The following RFX3 variants were observed in gnomAD, a reference collection of about 807,000 sequenced individuals.
RFX3 encodes the protein regulatory factor X3.
A neutral mutation model predicts 98.6 loss-of-function variants in RFX3; 14 were observed. The observed-to-expected ratio is 0.14, with a 90% CI of 0.09 to 0.22. The LOEUF (loss-of-function observed/expected upper bound fraction) is 0.22, where lower values mean the gene tolerates loss of function less well. Ranked by LOEUF, RFX3 falls within the 10% of genes least tolerant of loss-of-function variation. The pLI is 1.00. For synonymous variants in RFX3, 383 were observed against 328.4 expected (o/e 1.17, Z -1.80); for missense variants, 639 against 926.9 (o/e 0.69, Z 4.03).
chr9:3,414,114 T>C (rs1479366615), intron 1 of RFX3, among the ~76,000 whole-genome samples: 3 of 152,126 alleles, frequency 2.0e-5, no homozygotes, highest in South Asian at 2.1e-4. Context: ...TTTATTGAAA[T>C]GGGACACTGA....
chr9:3,376,888 T>A (rs1159940231), intron 2 of RFX3, among the ~76,000 whole-genome samples: 34 of 151,356 alleles, frequency 2.2e-4, no homozygotes, highest in African/African-American at 6.1e-4. Context: ...TCAAAACCAC[T>A]ATGAGATACC....
chr9:3,462,167 A>G (rs1048077967), intron 1 of RFX3, among the ~76,000 whole-genome samples: 5 of 152,088 alleles, frequency 3.3e-5, no homozygotes, highest in African/African-American at 1.2e-4. Context: ...CCTTAGGAAG[A>G]CAAATAACAA....
At chr9:3,398,563 G>A (rs955720253) in intron 1 of RFX3, among the ~76,000 whole-genome samples, 1 of 152,128 alleles carries the variant, frequency 6.6e-6, no homozygotes, top group Non-Finnish European at 1.5e-5. Flanking sequence ...TGTCAGTTTA[G>A]TGTACAGATG....
chr9:3,240,569 T>C (rs541928652), intron 15 of RFX3, among the ~76,000 whole-genome samples: 1 of 152,266 alleles, frequency 6.6e-6, no homozygotes, highest in Admixed American at 6.5e-5. Context: ...CAAGCATCAA[T>C]CAGGTTTGAA....
intron 1 of RFX3, among the ~76,000 whole-genome samples, chr9:3,483,440 T>G (rs1021800352): frequency 6.6e-6 from 1 of 152,166 alleles, no homozygotes; most frequent in Admixed American, 6.5e-5. Flanking sequence ...ATTTGTTGAA[T>G]AAAACCAATA....
At chr9:3,420,728 C>T (rs1356829885) in intron 1 of RFX3, 5 of 930,848 alleles carry the variant, frequency 5.4e-6, no homozygotes, top group Non-Finnish European at 6.4e-6. Flanking sequence ...TCTATAAACC[C>T]CTGTATCCTT....
At chr9:3,300,990 C>CT (rs938240533) in intron 5 of RFX3, among the ~76,000 whole-genome samples, 9 of 151,922 alleles carry the variant, frequency 5.9e-5, no homozygotes, top group African/African-American at 2.2e-4. Flanking sequence ...GACAGTCTCA[C>CT]TTTTTCTTTT....
At chr9:3,245,928 T>C (rs1820598595) in intron 15 of RFX3, among the ~76,000 whole-genome samples, 1 of 152,166 alleles carries the variant, frequency 6.6e-6, no homozygotes, top group Admixed American at 6.5e-5. Flanking sequence ...AGGCTTAGGA[T>C]AATGTGAGGA....
intron 1 of RFX3, among the ~76,000 whole-genome samples, chr9:3,460,564 C>G (rs945847420): frequency 4.6e-5 from 7 of 151,944 alleles, no homozygotes; most frequent in Non-Finnish European, 1.0e-4. Flanking sequence ...ATTTTACTTT[C>G]CTTAGCTCTA....
intron 1 of RFX3, among the ~76,000 whole-genome samples, chr9:3,442,951 G>C (rs1199667051): frequency 6.6e-6 from 1 of 152,066 alleles, no homozygotes; most frequent in African/African-American, 2.4e-5. Flanking sequence ...AAGAAAAAAA[G>C]CAGGCTAGGC....
intron 5 of RFX3, among the ~76,000 whole-genome samples, chr9:3,299,457 C>A (rs926189980): frequency 2.6e-5 from 4 of 151,676 alleles, no homozygotes; most frequent in Non-Finnish European, 5.9e-5. Context: ...ATTTTTGTTT[C>A]TAAATATTTG....
At chr9:3,255,916 G>T (rs570489470) in intron 14 of RFX3, among the ~76,000 whole-genome samples, 1 of 152,002 alleles carries the variant, frequency 6.6e-6, no homozygotes, top group Admixed American at 6.5e-5. Context: ...AGAATCACCA[G>T]GAGAGCTTTG....
intron 1 of RFX3, among the ~76,000 whole-genome samples, chr9:3,507,508 T>TA (rs1207953103): frequency 6.6e-6 from 1 of 151,930 alleles, no homozygotes; most frequent in East Asian, 1.9e-4. Context: ...ATTAAACTGC[T>TA]AGTCAGTGGC....
intron 12 of RFX3, among the ~76,000 whole-genome samples, chr9:3,263,414 G>C (rs1002978219): frequency 6.6e-6 from 1 of 152,040 alleles, no homozygotes; most frequent in East Asian, 1.9e-4. Flanking sequence ...AAAAATGTTG[G>C]TTTTCATTTC....
chr9:3,334,855 C>T (rs763525048), intron 3 of RFX3, among the ~76,000 whole-genome samples: 9 of 152,106 alleles, frequency 5.9e-5, no homozygotes, highest in Non-Finnish European at 1.2e-4. Context: ...CGCGGTGGTT[C>T]ATGCCCATAA....
intron 1 of RFX3, among the ~76,000 whole-genome samples, chr9:3,400,928 T>C (rs1841417988): frequency 6.6e-6 from 1 of 152,254 alleles, no homozygotes; most frequent in Non-Finnish European, 1.5e-5. Flanking sequence ...ACTTGATGTC[T>C]GTCTGACTCT....
chr9:3,356,874 A>G, intron 2 of RFX3, among the ~76,000 whole-genome samples: 1 of 151,824 alleles, frequency 6.6e-6, no homozygotes, highest in East Asian at 1.9e-4. Context: ...AAAAGAAAAA[A>G]ACATATGATC....
chr9:3,483,618 A>G (rs181676981), intron 1 of RFX3, among the ~76,000 whole-genome samples: 1 of 152,310 alleles, frequency 6.6e-6, no homozygotes, highest in Admixed American at 6.5e-5. Flanking sequence ...AGATACTTAT[A>G]AAAGCACAAT....
At chr9:3,291,686 G>C (rs575381179) in intron 6 of RFX3, among the ~76,000 whole-genome samples, 20 of 152,198 alleles carry the variant, frequency 1.3e-4, no homozygotes, top group African/African-American at 4.8e-4. Flanking sequence ...CTAGCCATGA[G>C]TCTTGTGGTG....
Sources: allele counts gnomAD v4.1 joint callset (sites outside exome capture counted in the v4.1 genomes callset), GRCh38; gene constraint gnomAD v4.1.1; transcripts MANE v1.5; gene names NCBI Gene and HGNC (gene_info 2026-07-23, HGNC 2026-07-21).